Variants in RUSC2 observed in about 807,000 individuals in gnomAD.
The protein encoded by RUSC2 is AP-4 complex accessory subunit RUSC2.
In RUSC2, 34 loss-of-function variants were observed where a neutral mutation model predicts 122.2. The observed-to-expected ratio is 0.28, with a 90% CI of 0.21 to 0.37. The LOEUF (loss-of-function observed/expected upper bound fraction) is 0.37, where lower values mean the gene tolerates loss of function less well. Among genes scored for constraint, RUSC2 ranks in the 10% least tolerant of loss-of-function variants. The pLI is 1.00. For synonymous variants in RUSC2, 784 were observed against 790.0 expected, an observed-to-expected ratio of 0.99 and a Z score of 0.13; for missense variants, 1,747 against 1,952.4, an observed-to-expected ratio of 0.89 and a Z score of 1.98.
intron 1 of RUSC2, among the ~76,000 whole-genome samples, chr9:35,520,645 A>C (rs1391684326): frequency 1.3e-5 from 2 of 152,194 alleles, no homozygotes; most frequent in Non-Finnish European, 2.9e-5. Context: ...GAATAGCCAG[A>C]GGGCTGCCCA....
At position 35,547,201 on chromosome 9, in the gene RUSC2, A is replaced by C; in HGVS notation, c.680A>C (p.Gln227Pro). 1 of 1,614,168 alleles carries C rather than the reference A, an allele frequency of 6.2e-7. No homozygotes were observed. The highest frequency in any genetic ancestry group is 1.3e-5 in the African/African-American group (1 of 75,052). The part of the protein sequence containing the change: ...ASDTSGFSFD[Q>P]EWKLSSDESP... Reference sequence around the variant, plus strand: ...GATACCTCTGGCTTTTCCTTTGACCAGGAATGGAAGCTCAGTTCAGATGAA... The same window carrying C: ...GATACCTCTGGCTTTTCCTTTGACCCGGAATGGAAGCTCAGTTCAGATGAA... Residue 227 changes from glutamine (Q) to proline (P), a missense_variant, in exon 2 of 12, where the codon CAG (glutamine) becomes CCG (proline). Transcript: ENST00000361226. The surrounding 1 kb of genome is among the most constrained non-coding windows in gnomAD (Gnocchi z 4.6).
chr9:35,507,211 T>G (rs12348446), intron 1 of RUSC2, among the ~76,000 whole-genome samples: 26,358 of 152,190 alleles, frequency 0.17, 2,442 homozygotes, highest in Admixed American at 0.26. Context: ...ATATATAAAT[T>G]TTGCATGGAT....
chr9:35,560,213 G>C lies in RUSC2; in HGVS notation c.3573G>C (p.Leu1191=). ...AGCAGCAGCGGCAGCACAAGGAACT[G>C]CTGCGGGTGTCCCAGGACCTGCTGC... ...SGQQQRQHKE[L]LRVSQDLLLS... Residue 1191 remains leucine, a synonymous_variant, in exon 10 of 12, where the codon CTG becomes CTC. Transcript: ENST00000361226. 6.2e-7 allele frequency: 1 copy of C among 1,604,740 alleles called. No homozygotes were observed.
chr9:35,551,721 A>G (rs572277203), intron 2 of RUSC2, among the ~76,000 whole-genome samples: 12 of 152,218 alleles, frequency 7.9e-5, no homozygotes, highest in Non-Finnish European at 1.6e-4. Context: ...TTGAATGACA[A>G]AAGAAGGGAC....
At chr9:35,552,792 TAATG>T (rs1821926925) in intron 2 of RUSC2, among the ~76,000 whole-genome samples, 1 of 152,216 alleles carries the variant, frequency 6.6e-6, no homozygotes, top group Non-Finnish European at 1.5e-5. Context: ...CTGGTTTTCT[TAATG>T]AATGTCACAT....
At chr9:35,501,224 A>G (rs776154996) in intron 1 of RUSC2, among the ~76,000 whole-genome samples, 1 of 152,222 alleles carries the variant, frequency 6.6e-6, no homozygotes, top group Non-Finnish European at 1.5e-5. Flanking sequence ...TTTCATCTAC[A>G]TCCCCTTCAC....
chr9:35,518,725 T>G (rs1821154436), intron 1 of RUSC2, among the ~76,000 whole-genome samples: 1 of 152,204 alleles, frequency 6.6e-6, no homozygotes, highest in South Asian at 2.1e-4. Context: ...ATGTACGTGC[T>G]AAAAACTATA....
intron 2 of RUSC2, among the ~76,000 whole-genome samples, chr9:35,550,288 G>A (rs1821862181): frequency 6.6e-6 from 1 of 152,104 alleles, no homozygotes; most frequent in Non-Finnish European, 1.5e-5. Flanking sequence ...CCTGAAGTCA[G>A]GAGAAAGCAC....
Position 35,561,348 on chromosome 9 carries a change from C to T in RUSC2, c.4517C>T (p.Thr1506Ile), listed in dbSNP as rs375640022. 19 of 1,613,810 alleles carry T rather than the reference C, an allele frequency of 1.2e-5. No homozygotes were observed. The African/African-American group carries it at 2.4e-4, about 20-fold the overall frequency. ...CTGGCCTACGTGACATTGACCCCAA[C>T]TCCAAGTCCAACCCCTGGAAGCAGC... ...VPLAYVTLTP[T>I]PSPTPGSSQN The change falls in exon 12 of 12, where the codon ACT becomes ATT. Residue 1506 changes from threonine to isoleucine, a missense_variant. Coordinates refer to ENST00000361226, the MANE Select transcript of RUSC2 (RefSeq NM_014806.5).
At chr9:35,545,311 G>A (rs771644941) in intron 1 of RUSC2, among the ~76,000 whole-genome samples, 3 of 152,198 alleles carry the variant, frequency 2.0e-5, no homozygotes, top group Non-Finnish European at 2.9e-5. Context: ...AAAAGAGAAA[G>A]GAAATGAATG....
At chr9:35,532,094 G>A (rs10972504) in intron 1 of RUSC2, among the ~76,000 whole-genome samples, 95,484 of 152,098 alleles carry the variant, frequency 0.63, 31,196 homozygotes, top group Non-Finnish European at 0.72. Flanking sequence ...TGACTTGGTA[G>A]TTGTCTGAAT....
chr9:35,525,623 A>C (rs1821309416), intron 1 of RUSC2, among the ~76,000 whole-genome samples: 1 of 151,656 alleles, frequency 6.6e-6, no homozygotes, highest in African/African-American at 2.4e-5. Flanking sequence ...ACACGGCAAA[A>C]CCCCGTCTCT....
chr9:35,507,497 T>C (rs918321010), intron 1 of RUSC2: 2 of 160,346 alleles, frequency 1.2e-5, no homozygotes, highest in African/African-American at 4.8e-5. Flanking sequence ...TGGAGAAAGT[T>C]GTACAGGCCA....
chr9:35,527,980 T>A (rs1490319169), intron 1 of RUSC2, among the ~76,000 whole-genome samples: 1 of 152,244 alleles, frequency 6.6e-6, no homozygotes, highest in Non-Finnish European at 1.5e-5. Flanking sequence ...CAAGGAACCC[T>A]GGTTCTCCCC....
intron 1 of RUSC2, among the ~76,000 whole-genome samples, chr9:35,527,366 T>C (rs1449277097): frequency 6.6e-6 from 1 of 152,104 alleles, no homozygotes; most frequent in African/African-American, 2.4e-5. Context: ...AGTCTTGCTA[T>C]GGTGCCCAGG....
At position 35,561,426 on chromosome 9, in the gene RUSC2, A is replaced by C. The variant is rs1362072925; in HGVS notation, c.*44A>C. ...GGCCTCAGGGACCCTCATAACCCCCAGACTCAGAGCCCGAGAGCCCTTCCC... is the reference window on the plus strand; with the variant it reads ...GGCCTCAGGGACCCTCATAACCCCCCGACTCAGAGCCCGAGAGCCCTTCCC... On this transcript the variant is annotated 3_prime_UTR_variant, in exon 12 of 12. Transcript: ENST00000361226. The C allele has an allele frequency of 2.0e-6, 3 of 1,512,998 alleles. No homozygotes were observed. The highest frequency in any genetic ancestry group is 2.7e-6 in the Non-Finnish European group (3 of 1,114,110). 93.7% of individuals were successfully genotyped at this position (1,512,998 alleles called of 1,614,324 possible).
intron 1 of RUSC2, among the ~76,000 whole-genome samples, chr9:35,537,087 CT>C (rs1821544194): frequency 1.3e-5 from 2 of 152,218 alleles, no homozygotes; most frequent in African/African-American, 4.8e-5. Flanking sequence ...CCTCAAAACC[CT>C]AGATCTTTGG....
chr9:35,547,633 A>G lies in RUSC2; in HGVS notation c.1112A>G (p.Glu371Gly), dbSNP rs942501185. ...TGCAACTCCTACCGCCCACACTGTG[A>G]GCCGTGCCCAGCAGTGGCTGACCTC... is the stretch of plus-strand genomic sequence containing the variant. ...ANCNSYRPHC[E>G]PCPAVADLTA... Residue 371 changes from glutamate to glycine, a missense_variant, in exon 2 of 12, where the codon GAG becomes GGG. Transcript: ENST00000361226. The surrounding 1 kb of genome is among the most constrained non-coding windows in gnomAD (Gnocchi z 4.6). The G allele has an allele frequency of 6.2e-7, 1 of 1,614,176 alleles. No homozygotes were observed. Among genetic ancestry groups the G allele is most frequent in the African/African-American group, 1.3e-5 (1 of 75,042 alleles).
chr9:35,524,798 C>T (rs1365755075), intron 1 of RUSC2, among the ~76,000 whole-genome samples: 7 of 151,874 alleles, frequency 4.6e-5, no homozygotes, highest in East Asian at 1.9e-4. Flanking sequence ...GGTGAAACCC[C>T]GTCTCTACTA....
Sources: allele counts gnomAD v4.1 joint callset (sites outside exome capture counted in the v4.1 genomes callset), GRCh38; gene constraint gnomAD v4.1.1; non-coding constraint Gnocchi (gnomAD v3.1); transcripts MANE v1.5; gene names NCBI Gene and HGNC (gene_info 2026-07-23, HGNC 2026-07-21).